Variants in DCAF5 observed in about 807,000 individuals in gnomAD.
DCAF5 encodes DDB1- and CUL4-associated factor 5.
Under a neutral mutation model 80.7 loss-of-function variants are expected in DCAF5, and 9 were observed. The ratio of observed to expected loss-of-function variants is 0.11; its 90% CI spans 0.07 to 0.19. The LOEUF is 0.19. DCAF5 is among the 10% of genes least tolerant of loss of function. The pLI is 1.00. For synonymous variants in DCAF5, 433 were observed against 461.9 expected (o/e 0.94, Z 0.80); for missense variants, 842 against 1,205.7 (o/e 0.70, Z 4.47).
intron 1 of DCAF5, among the ~76,000 whole-genome samples, chr14:69,135,265 C>T (rs373417601): frequency 1.5e-4 from 23 of 152,278 alleles, no homozygotes; most frequent in African/African-American, 5.1e-4. Flanking sequence ...AGGGCAGTGA[C>T]GGCAAATTGT....
intron 8 of DCAF5, among the ~76,000 whole-genome samples, chr14:69,058,876 CA>C (rs541099480): frequency 0.017 from 948 of 54,836 alleles, 7 homozygotes; most frequent in Admixed American, 0.07. Flanking sequence ...GATCCTGTCT[CA>C]AAAAAAAAAA....
intron 1 of DCAF5, among the ~76,000 whole-genome samples, chr14:69,147,022 C>T (rs1031138584): frequency 6.6e-5 from 10 of 152,180 alleles, no homozygotes; most frequent in African/African-American, 1.7e-4. Flanking sequence ...TAAAGCCAAA[C>T]GACTTACCTG....
At chr14:69,064,491 G>A (rs934420132) in intron 7 of DCAF5, among the ~76,000 whole-genome samples, 15 of 152,224 alleles carry the variant, frequency 9.9e-5, no homozygotes, top group Non-Finnish European at 1.5e-4. Context: ...GCAGAGCCAA[G>A]ATTTGAACCA....
chr14:69,062,720 T>G (rs1214647274), intron 7 of DCAF5, among the ~76,000 whole-genome samples: 1 of 152,216 alleles, frequency 6.6e-6, no homozygotes, highest in Non-Finnish European at 1.5e-5. Flanking sequence ...AGCCTTTATT[T>G]AGCCTTTAAG....
chr14:69,130,175 T>C (rs2040999657), intron 1 of DCAF5, among the ~76,000 whole-genome samples: 1 of 152,226 alleles, frequency 6.6e-6, no homozygotes, highest in Admixed American at 6.5e-5. Context: ...TGCTTTGGGT[T>C]TCCTCAAAAG....
chr14:69,060,536 T>TC (rs1313091165), intron 8 of DCAF5, among the ~76,000 whole-genome samples: 3 of 148,246 alleles, frequency 2.0e-5, no homozygotes, highest in Non-Finnish European at 4.5e-5. Flanking sequence ...ATATTATATT[T>TC]CTTTTTTTTT....
intron 4 of DCAF5, among the ~76,000 whole-genome samples, 165 bp downstream of exon 4, chr14:69,117,974 G>A (rs1046507882): frequency 3.3e-5 from 5 of 152,144 alleles, no homozygotes; most frequent in Non-Finnish European, 7.4e-5. Flanking sequence ...TTTAGGTGGA[G>A]GATAAGGCCT....
chr14:69,067,293 A>G lies in DCAF5; in HGVS notation c.947-4782T>C, dbSNP rs1227561228. Among the ~76,000 whole-genome samples the G allele has an allele frequency of 2.6e-5, 4 of 151,860 alleles. 1 individual carries two copies. The highest frequency in any genetic ancestry group is 6.6e-5 in the Admixed American group (1 of 15,266). On this transcript the variant is annotated intron_variant, in intron 7 of 8. Transcript: ENST00000341516. ...CTTCACATATGGGCTCCATCACCCA[A>G]TAAATGTTTCTTTTTTTCCATCTTC...
At chr14:69,102,126 T>TG (rs1165461253) in intron 5 of DCAF5, among the ~76,000 whole-genome samples, 1 of 147,460 alleles carries the variant, frequency 6.8e-6, no homozygotes, top group Non-Finnish European at 1.5e-5. Flanking sequence ...TTTTTTTTTT[T>TG]GAGACAAAGT....
chr14:69,075,149 T>C (rs2038852003), intron 7 of DCAF5, among the ~76,000 whole-genome samples, 196 bp downstream of exon 7: 1 of 152,210 alleles, frequency 6.6e-6, no homozygotes, highest in Non-Finnish European at 1.5e-5. Context: ...CTAAGCATCA[T>C]TTATGTCAGA....
intron 6 of DCAF5, among the ~76,000 whole-genome samples, chr14:69,081,531 G>A (rs2039102594): frequency 6.6e-6 from 1 of 152,064 alleles, no homozygotes; most frequent in African/African-American, 2.4e-5. Flanking sequence ...GTTAACCTGA[G>A]GCCAGTGCAT....
Position 69,054,367 on chromosome 14 carries a change from G to A in DCAF5, c.2319C>T (p.His773=), listed in dbSNP as rs1343923995. The A allele has an allele frequency of 6.2e-7, 1 of 1,614,136 alleles. No individual in the cohort carries two copies. Among genetic ancestry groups the A allele is most frequent in the East Asian group, 2.2e-5 (1 of 44,884 alleles). ...CATTGAGCTTCTTGGTTTCAAAAGGGTGCTCTACAGAGCCGCTATTGCCAG... is the reference window on the plus strand; with the variant it reads ...CATTGAGCTTCTTGGTTTCAAAAGGATGCTCTACAGAGCCGCTATTGCCAG... The part of the protein sequence containing the change: ...QDTGNSGSVE[H]PFETKKLNGK... The change falls in exon 9 of 9, where the codon CAC becomes CAT. Residue 773 remains histidine, a synonymous_variant. Transcript: ENST00000341516.
At chr14:69,151,746 G>A (rs1293667843) in intron 1 of DCAF5, among the ~76,000 whole-genome samples, 1 of 152,096 alleles carries the variant, frequency 6.6e-6, no homozygotes, top group Non-Finnish European at 1.5e-5. Flanking sequence ...ACCTCCCCAG[G>A]GGCAGCTGTC....
intron 6 of DCAF5, among the ~76,000 whole-genome samples, chr14:69,088,664 C>A (rs544172371): frequency 6.6e-6 from 1 of 152,258 alleles, no homozygotes; most frequent in Non-Finnish European, 1.5e-5. Context: ...ATTCCTATTA[C>A]GGAAATTCTC....
Position 69,152,857 on chromosome 14 carries a change from C to T in DCAF5, c.122G>A (p.Cys41Tyr). ...QDFQRRRLRG[C>Y]RNLYKKDLLG... ...GAGGTCCTTCTTGTAGAGGTTTCTG[C>T]AGCCCCGCAGGCGTCTCCTCTGAAA... Residue 41 changes from cysteine (C) to tyrosine (Y), a missense_variant, in exon 1 of 9, where the codon TGC (cysteine) becomes TAC (tyrosine). Physicochemically the swap from Cys to Tyr is radical, Grantham distance 194. Around this residue, in one of 5 missense-constraint regions of DCAF5, gnomAD observed 142 missense variants for 311.9 expected, o/e 0.46. Coordinates refer to ENST00000341516, the MANE Select transcript of DCAF5 (RefSeq NM_003861.3). This position sits in a 1 kb window ranked among gnomAD's most constrained non-coding sequence, Gnocchi z 4.1. 6.2e-7 allele frequency: 1 copy of T among 1,614,098 alleles called. No homozygotes were observed. Among genetic ancestry groups the T allele is most frequent in the African/African-American group, 1.3e-5 (1 of 75,034 alleles).
At chr14:69,084,439 G>C in intron 6 of DCAF5, 1 of 867,190 alleles carries the variant, frequency 1.2e-6, no homozygotes. Flanking sequence ...TTAAACTTTT[G>C]CCAACACGTA....
At chr14:69,088,010 C>T (rs772049063) in intron 6 of DCAF5, among the ~76,000 whole-genome samples, 9 of 152,142 alleles carry the variant, frequency 5.9e-5, no homozygotes, top group Non-Finnish European at 1.0e-4. Context: ...AACCAAGAGA[C>T]CTTACATAAA....
chr14:69,137,811 A>G (rs2140106468), intron 1 of DCAF5, among the ~76,000 whole-genome samples: 1 of 152,378 alleles, frequency 6.6e-6, no homozygotes, highest in East Asian at 1.9e-4. Context: ...GACAGAGACC[A>G]CATTCACATA....
intron 1 of DCAF5, among the ~76,000 whole-genome samples, chr14:69,150,558 T>G (rs1229481686): frequency 1.3e-5 from 2 of 152,120 alleles, no homozygotes; most frequent in Non-Finnish European, 2.9e-5. Context: ...ATAAATTATG[T>G]GGCATGGAAA....
Sources: gnomAD v4.1 joint callset for allele counts (sites outside exome capture counted in the v4.1 genomes callset) on GRCh38, gnomAD v4.1.1 for gene constraint, gnomAD v4.1.1 regional missense constraint, Gnocchi (gnomAD v3.1) non-coding constraint, MANE v1.5 for transcripts, NCBI Gene and HGNC (gene_info 2026-07-23, HGNC 2026-07-21) for gene names.